Variants in TRIO observed in about 807,000 individuals in gnomAD.
The protein encoded by TRIO is trio Rho guanine nucleotide exchange factor.
TRIO carries 58 observed loss-of-function variants against 351.9 expected under a neutral mutation model. The observed-to-expected ratio is 0.16, with a 90% CI of 0.13 to 0.21. The LOEUF is 0.21. Among genes scored for constraint, TRIO ranks in the 10% least tolerant of loss-of-function variants. The probability of loss-of-function intolerance (pLI) is 1.00; values close to 1 mark genes in which losing one functional copy is unlikely to be tolerated. For synonymous variants in TRIO, 1,758 were observed against 1,595.7 expected (o/e 1.10, Z -2.42); for missense variants, 3,201 against 4,027.8 (o/e 0.79, Z 5.56).
Position 14,304,540 on chromosome 5 carries a change from C to T in TRIO, c.1448C>T (p.Ala483Val). ...TCAGAGCTGCAGGACCTAGAAGATG[C>T]CATTCATCACCACCAGGGAATATAT... The part of the protein sequence containing the change: ...LPSELQDLED[A>V]IHHHQGIYEH... The change falls in exon 8 of 57, where the codon GCC becomes GTC. Residue 483 changes from alanine (A) to valine (V), a missense_variant. Ala to Val is a moderately conservative substitution (Grantham distance 64). This residue lies in a region of TRIO where 349 missense variants were observed against 449.3 expected (regional missense o/e 0.78). Transcript: ENST00000344204. 1 of 1,614,060 alleles carries T rather than the reference C, an allele frequency of 6.2e-7. No individual in the cohort carries two copies. The highest frequency in any genetic ancestry group is 8.5e-7 in the Non-Finnish European group (1 of 1,179,982).
At chr5:14,342,657 T>G (rs1742046130) in intron 11 of TRIO, among the ~76,000 whole-genome samples, 1 of 152,232 alleles carries the variant, frequency 6.6e-6, no homozygotes, top group Admixed American at 6.5e-5. Context: ...TGTCTAAAAT[T>G]TGGTTCCCAG....
At chr5:14,452,377 C>G (rs1249356311) in intron 34 of TRIO, among the ~76,000 whole-genome samples, 8 of 152,170 alleles carry the variant, frequency 5.3e-5, no homozygotes, top group African/African-American at 1.9e-4. Flanking sequence ...CATACCTTTT[C>G]CCCCCAGCAG....
At chr5:14,234,968 A>G (rs1364636640) in intron 1 of TRIO, among the ~76,000 whole-genome samples, 1 of 152,226 alleles carries the variant, frequency 6.6e-6, no homozygotes, top group African/African-American at 2.4e-5. Flanking sequence ...TTTTATTTAA[A>G]AAGTATATAA....
intron 1 of TRIO, among the ~76,000 whole-genome samples, chr5:14,256,975 A>C (rs1446081724): frequency 6.6e-6 from 1 of 152,370 alleles, no homozygotes; most frequent in African/African-American, 2.4e-5. Flanking sequence ...AAAGGCTGGC[A>C]TCTTTGTCTG....
chr5:14,277,319 A>G (rs967788092), intron 2 of TRIO, among the ~76,000 whole-genome samples: 3 of 152,216 alleles, frequency 2.0e-5, no homozygotes, highest in African/African-American at 7.2e-5. Flanking sequence ...CATCATTATA[A>G]ACAAAAACTG....
chr5:14,396,738 G>C (rs1430482772), intron 28 of TRIO, among the ~76,000 whole-genome samples: 2 of 151,756 alleles, frequency 1.3e-5, no homozygotes, highest in Non-Finnish European at 2.9e-5. Context: ...CCGAAGTGCT[G>C]GGATTACAGG....
Position 14,507,844 on chromosome 5 carries a change from A to G in TRIO, c.8752-36A>G, listed in dbSNP as rs1449932959. On this transcript the variant is annotated intron_variant, in intron 56 of 56. Transcript: ENST00000344204. ...TCATCACGAGTAAGCTTAAGATTGGATGGTCTGAAAATGACAGTTGTATTC... is the reference window on the plus strand; with the variant it reads ...TCATCACGAGTAAGCTTAAGATTGGGTGGTCTGAAAATGACAGTTGTATTC... The G allele has an allele frequency of 6.9e-6, 11 of 1,588,266 alleles. No individual in the cohort carries two copies. The South Asian group carries it at 8.2e-5, about 12-fold the overall frequency.
In TRIO at chr5:14,497,003, A is replaced by G. The variant is rs1385932901; in HGVS notation, c.8005A>G (p.Lys2669Glu). Residue 2669 changes from lysine to glutamate, a missense_variant, in exon 50 of 57, where the codon AAG becomes GAG. By Grantham distance (56) the Lys-to-Glu change is moderately conservative. Around this residue, in one of 19 missense-constraint regions of TRIO, gnomAD observed 1,089 missense variants for 954.9 expected, o/e 1.14. Coordinates refer to ENST00000344204, the MANE Select transcript of TRIO (RefSeq NM_007118.4). This position sits in a 1 kb window ranked among gnomAD's most constrained non-coding sequence, Gnocchi z 4.4. ...GAAGTCACGGGAAGGACTCAGCAAC[A>G]AGGTATCTGTGAAGGTGTGTTCGGG... ...YRKSREGLSNKVSVKLLNPNY... is the reference protein window; with the variant it reads ...YRKSREGLSNEVSVKLLNPNY... The G allele has an allele frequency of 2.5e-6, 4 of 1,614,210 alleles. No individual in the cohort carries two copies. The Middle Eastern group carries it at 4.9e-4, about 200-fold the overall frequency.
intron 34 of TRIO, among the ~76,000 whole-genome samples, chr5:14,438,828 C>T (rs1394771837): frequency 6.6e-6 from 1 of 152,252 alleles, no homozygotes; most frequent in Non-Finnish European, 1.5e-5. Context: ...TGTCGCCCTT[C>T]AGGGCATGCC....
rs535752964 is a variant in TRIO at position 14,415,765 on chromosome 5, C to T, written c.4960-4013C>T. On this transcript the variant is annotated intron_variant, in intron 33 of 56. Transcript: ENST00000344204. ...TTTGCCAATTGTCCATATGTCTGGGCCTAAAGAGGGACTTGGGTGTAGTCT... is the reference window on the plus strand; with the variant it reads ...TTTGCCAATTGTCCATATGTCTGGGTCTAAAGAGGGACTTGGGTGTAGTCT... Among the ~76,000 whole-genome samples, 100 of 152,120 alleles carry T rather than the reference C, an allele frequency of 6.6e-4. 4 individuals are homozygous for T. In the South Asian group the frequency reaches 0.019, roughly 29 times the overall value.
chr5:14,487,341 G>T, intron 47 of TRIO, 123 bp from the exon 48 acceptor site: 2 of 1,040,988 alleles, frequency 1.9e-6, no homozygotes, highest in Non-Finnish European at 2.4e-6. Flanking sequence ...GGGTGGGGTT[G>T]CTCTGCGCCC....
rs1352567862 is a variant in TRIO at position 14,495,687 on chromosome 5, G to T, written c.7881-1192G>T. Reference sequence around the variant, plus strand: ...AAAAAAAAAAAAAAAAAAAAAAAAAGGCCAGGCGTGGTGGCTCACGCCTGT... The same window carrying T: ...AAAAAAAAAAAAAAAAAAAAAAAAATGCCAGGCGTGGTGGCTCACGCCTGT... On this transcript the variant is annotated intron_variant, in intron 49 of 56. Coordinates refer to ENST00000344204, the MANE Select transcript of TRIO (RefSeq NM_007118.4). Among the ~76,000 whole-genome samples the T allele has an allele frequency of 3.5e-4, 26 of 75,350 alleles. No individual in the cohort carries two copies. In the East Asian group the frequency reaches 8.0e-3, roughly 23 times the overall value. 49.4% of individuals were successfully genotyped at this position (75,350 alleles called of 152,430 possible). A position where few individuals can be genotyped will look rare whatever the true frequency, so the allele number is the denominator to read the frequency against.
intron 34 of TRIO, among the ~76,000 whole-genome samples, chr5:14,455,711 A>G (rs1269713727): frequency 6.6e-6 from 1 of 152,152 alleles, no homozygotes; most frequent in Non-Finnish European, 1.5e-5. Context: ...CAGAGTGCTG[A>G]TTGGTGCATC....
chr5:14,288,804 C>G (rs1389163884), intron 4 of TRIO, among the ~76,000 whole-genome samples: 1 of 152,178 alleles, frequency 6.6e-6, no homozygotes, highest in Non-Finnish European at 1.5e-5. Flanking sequence ...CACGCCGGAC[C>G]AGCCCTTCTT....
intron 55 of TRIO, 36 bp downstream of exon 55, chr5:14,504,629 T>C: frequency 6.2e-7 from 1 of 1,605,330 alleles, no homozygotes; most frequent in Non-Finnish European, 8.5e-7. Context: ...TGCCCAGCCC[T>C]CTGCCTCCAC....
At chr5:14,227,992 C>G (rs1793157476) in intron 1 of TRIO, among the ~76,000 whole-genome samples, 1 of 151,800 alleles carries the variant, frequency 6.6e-6, no homozygotes, top group Non-Finnish European at 1.5e-5. Context: ...TTAATAGATG[C>G]CTATGAGCAT....
chr5:14,390,833 T>A, intron 26 of TRIO, 68 bp from the exon 27 acceptor site: 1 of 1,347,546 alleles, frequency 7.4e-7, no homozygotes, highest in South Asian at 1.4e-5. Context: ...GCTTCTTTTC[T>A]ATATGAAAGT....
chr5:14,280,127 A>G (rs1289981575), intron 2 of TRIO, among the ~76,000 whole-genome samples, 195 bp from the exon 3 acceptor site: 1 of 152,222 alleles, frequency 6.6e-6, no homozygotes, highest in Non-Finnish European at 1.5e-5. Flanking sequence ...TGTGGCCTGC[A>G]GAGCTCAGAG....
chr5:14,294,508 T>G (rs1285099882), intron 6 of TRIO, among the ~76,000 whole-genome samples: 1 of 152,162 alleles, frequency 6.6e-6, no homozygotes, highest in African/African-American at 2.4e-5. Flanking sequence ...GCCACATACT[T>G]TAAAAACTAG....
Sources: allele counts gnomAD v4.1 joint callset (sites outside exome capture counted in the v4.1 genomes callset), GRCh38; gene constraint gnomAD v4.1.1; regional missense constraint gnomAD v4.1.1; non-coding constraint Gnocchi (gnomAD v3.1); transcripts MANE v1.5; gene names NCBI Gene and HGNC (gene_info 2026-07-23, HGNC 2026-07-21).